MZT1: variants seen among roughly 807,000 people sequenced by gnomAD.
The protein encoded by MZT1 is mitotic-spindle organizing protein 1.
Under a neutral mutation model 8.5 loss-of-function variants are expected in MZT1, and 8 were observed. The observed-to-expected ratio is 0.94, with a 90% CI of 0.55 to 1.70. The LOEUF is 1.70. Ranked by LOEUF, MZT1 falls within the 40% of genes most tolerant of loss-of-function variation. MZT1 has a pLI of 0.00. For missense variants in MZT1, 93 were observed against 108.6 expected (o/e 0.86, Z 0.64); for synonymous variants, 38 against 42.0 (o/e 0.90, Z 0.37).
At chr13:72,722,796 C>T (rs1483068829) in intron 1 of MZT1, among the ~76,000 whole-genome samples, 1 of 152,178 alleles carries the variant, frequency 6.6e-6, no homozygotes, top group Non-Finnish European at 1.5e-5. Context: ...CCTCTCTCTT[C>T]CTAATCAATG....
chr13:72,724,223 A>G (rs2032617253), intron 1 of MZT1, among the ~76,000 whole-genome samples: 1 of 152,190 alleles, frequency 6.6e-6, no homozygotes, highest in African/African-American at 2.4e-5. Context: ...TCAAACTTGC[A>G]TTTTAAGGAC....
chr13:72,719,439 A>G (rs1566213585), intron 1 of MZT1, among the ~76,000 whole-genome samples: 1 of 152,156 alleles, frequency 6.6e-6, no homozygotes, highest in East Asian at 1.9e-4. Flanking sequence ...AACTAGTCGC[A>G]TATTATTCCA....
At chr13:72,716,097 A>G (rs1010776048) in intron 2 of MZT1, among the ~76,000 whole-genome samples, 11 of 151,820 alleles carry the variant, frequency 7.2e-5, no homozygotes, top group African/African-American at 2.7e-4. Context: ...TTTTATTTTT[A>G]GTAGAGATGG....
intron 2 of MZT1, among the ~76,000 whole-genome samples, chr13:72,710,884 AC>A (rs1230613852): frequency 6.6e-6 from 1 of 152,180 alleles, no homozygotes; most frequent in Non-Finnish European, 1.5e-5. Context: ...AGAGACTTAA[AC>A]AAATCACCAT....
chr13:72,719,034 A>C lies in MZT1; in HGVS notation c.143T>G (p.Val48Gly). ...GLDMETLSIC[V>G]RLCEQGINPE... ...GTTAATTCCTTGTTCACAAAGCCGT[A>C]CACAAATAGACAGAGTTTCCATATC... Residue 48 changes from valine (V) to glycine (G), a missense_variant, in exon 2 of 3, where the codon GTA becomes GGA. Coordinates refer to ENST00000377818, the MANE Select transcript of MZT1 (RefSeq NM_001071775.3). The C allele has an allele frequency of 6.3e-7, 1 of 1,592,644 alleles. No individual in the cohort carries two copies. The highest frequency in any genetic ancestry group is 8.5e-7 in the Non-Finnish European group (1 of 1,172,492).
intron 1 of MZT1, among the ~76,000 whole-genome samples, chr13:72,720,657 G>A (rs1182297043): frequency 6.6e-6 from 1 of 152,182 alleles, no homozygotes; most frequent in Non-Finnish European, 1.5e-5. Context: ...GGGAGAGCAA[G>A]GTGGACAGAT....
rs141030269 is a variant in MZT1, at chr13:72,718,355, G to A, written c.225+597C>T. Among the ~76,000 whole-genome samples the A allele has an allele frequency of 3.5e-3, 536 of 152,274 alleles. 7 individuals carry two copies. In the East Asian group the frequency reaches 0.039, roughly 11 times the overall value. ...TTTCTAAATAAGGTCATATTCATTG[G>A]GACCAGGGGTTAGGACCTCAACATG... On this transcript the variant is annotated intron_variant, in intron 2 of 2. Coordinates refer to ENST00000377818, the MANE Select transcript of MZT1 (RefSeq NM_001071775.3).
intron 1 of MZT1, among the ~76,000 whole-genome samples, chr13:72,720,288 T>C (rs1426242878): frequency 1.3e-5 from 2 of 152,246 alleles, no homozygotes; most frequent in South Asian, 2.1e-4. Context: ...GGCAACCATT[T>C]AATTTCTAAC....
chr13:72,727,489 G>A lies in MZT1; in HGVS notation c.79+35C>T, dbSNP rs1472335558. On this transcript the variant is annotated intron_variant, in intron 1 of 2. Coordinates refer to ENST00000377818, the MANE Select transcript of MZT1 (RefSeq NM_001071775.3). The stretch of plus-strand genomic sequence containing the variant: ...GCCTGGGGGCCTTGGCTCTGGGAAG[G>A]CACGCAAGGTAAAGGGAGCGCAACG... 3 of 1,604,122 alleles carry A rather than the reference G, an allele frequency of 1.9e-6. 1 individual carries two copies. In the African/African-American group the frequency reaches 4.0e-5, roughly 21 times the overall value.
Position 72,710,307 on chromosome 13 carries a change from A to C in MZT1, c.*15T>G, listed in dbSNP as rs1483341050. 8 of 1,612,964 alleles carry C rather than the reference A, an allele frequency of 5.0e-6. No individual in the cohort carries two copies. The highest frequency in any genetic ancestry group is 6.8e-6 in the Non-Finnish European group (8 of 1,179,118). Reference sequence around the variant, plus strand: ...TGCAGAGCTTGACATATCTCATCAGAATTTCTCCAGAAAGTCAGCTTGTCA... The same window carrying C: ...TGCAGAGCTTGACATATCTCATCAGCATTTCTCCAGAAAGTCAGCTTGTCA... On this transcript the variant is annotated 3_prime_UTR_variant, in exon 3 of 3. Transcript: ENST00000377818.
At position 72,710,372 on chromosome 13, in the gene MZT1, CA is replaced by C. The variant is rs747105280; in HGVS notation, c.226-28del. 3.1e-6 allele frequency: 5 copies of C among 1,610,838 alleles called. No homozygotes were observed. In the East Asian group the frequency reaches 1.1e-4, roughly 36 times the overall value. ...TAGAACAAGAAAGTAAGATTCATTACAATAAAACCATGGAAAAAGAGGCATC... is the reference window on the plus strand; with the variant it reads ...TAGAACAAGAAAGTAAGATTCATTACATAAAACCATGGAAAAAGAGGCATC... On this transcript the variant is annotated intron_variant, in intron 2 of 2. Coordinates refer to ENST00000377818, the MANE Select transcript of MZT1 (RefSeq NM_001071775.3).
intron 1 of MZT1, among the ~76,000 whole-genome samples, chr13:72,721,233 T>G (rs1267097569): frequency 6.6e-6 from 1 of 152,214 alleles, no homozygotes; most frequent in Non-Finnish European, 1.5e-5. Context: ...ATATTACTTC[T>G]TAGATCTGTT....
intron 1 of MZT1, among the ~76,000 whole-genome samples, chr13:72,725,061 A>C (rs2032634421): frequency 6.6e-6 from 1 of 151,680 alleles, no homozygotes. Context: ...CAAAAAAAAA[A>C]AAAAAATAGT....
At chr13:72,722,968 C>T (rs1208930533) in intron 1 of MZT1, among the ~76,000 whole-genome samples, 1 of 152,110 alleles carries the variant, frequency 6.6e-6, no homozygotes, top group African/African-American at 2.4e-5. Flanking sequence ...CTACTTAGCC[C>T]TTGTACATTC....
At chr13:72,719,390 CACTT>C (rs1019313120) in intron 1 of MZT1, among the ~76,000 whole-genome samples, 10 of 152,092 alleles carry the variant, frequency 6.6e-5, no homozygotes, top group African/African-American at 2.4e-4. Context: ...TAATTCTGAA[CACTT>C]GCTTATTTTT....
At chr13:72,711,703 C>CA (rs11436288) in intron 2 of MZT1, among the ~76,000 whole-genome samples, 110,984 of 145,630 alleles carry the variant, frequency 0.76, 42,966 homozygotes, top group East Asian at 0.96. Context: ...AAGAAATTAA[C>CA]AAAAAAAAAA....
intron 1 of MZT1, among the ~76,000 whole-genome samples, chr13:72,721,332 T>A (rs922227871): frequency 1.3e-5 from 2 of 152,224 alleles, no homozygotes; most frequent in Non-Finnish European, 2.9e-5. Flanking sequence ...CAATGTCTTA[T>A]GAATTACAAA....
chr13:72,727,248 G>A (rs1258689366), intron 1 of MZT1, among the ~76,000 whole-genome samples: 1 of 152,204 alleles, frequency 6.6e-6, no homozygotes, highest in Non-Finnish European at 1.5e-5. Context: ...ATGCGGGATA[G>A]AGGGGGCGCG....
intron 1 of MZT1, among the ~76,000 whole-genome samples, chr13:72,720,746 G>A (rs997270372): frequency 1.3e-5 from 2 of 152,144 alleles, no homozygotes; most frequent in Non-Finnish European, 2.9e-5. Context: ...AAATTAGCCA[G>A]GCAAGGTGGC....
Sources: allele counts gnomAD v4.1 joint callset (sites outside exome capture counted in the v4.1 genomes callset), GRCh38; gene constraint gnomAD v4.1.1; transcripts MANE v1.5; gene names NCBI Gene and HGNC (gene_info 2026-07-23, HGNC 2026-07-21).